Variants in ABTB3 observed in about 807,000 individuals in gnomAD.
The protein encoded by ABTB3 is ankyrin repeat and BTB domain containing 3, also known as ankyrin repeat- and BTB/POZ domain-containing protein 3.
the ABTB3 span, among the ~76,000 whole-genome samples, chr12:107,642,619 G>C: frequency 7.2e-5 from 11 of 152,160 alleles, no homozygotes; most frequent in African/African-American, 2.4e-4. Context: ...AGGAAGGATA[G>C]GGCTCAAGAA....
the ABTB3 span, among the ~76,000 whole-genome samples, chr12:107,568,711 CT>C: frequency 6.6e-6 from 1 of 152,152 alleles, no homozygotes; most frequent in African/African-American, 2.4e-5. Flanking sequence ...GCTTTTTCCC[CT>C]AGCTTCTTTA....
chr12:107,504,006 G>T, the ABTB3 span, among the ~76,000 whole-genome samples: 5 of 152,088 alleles, frequency 3.3e-5, no homozygotes, highest in African/African-American at 1.2e-4. Context: ...TTTCTCCTTG[G>T]CTGGATAGGG....
the ABTB3 span, among the ~76,000 whole-genome samples, chr12:107,401,272 G>A: frequency 6.6e-6 from 1 of 152,198 alleles, no homozygotes; most frequent in South Asian, 2.1e-4. Context: ...AAGGGGAGGT[G>A]ATTACGTAAC....
the ABTB3 span, among the ~76,000 whole-genome samples, chr12:107,352,664 G>C: frequency 6.6e-6 from 1 of 152,100 alleles, no homozygotes; most frequent in African/African-American, 2.4e-5. Context: ...CTTAAGAGCT[G>C]GTGCTATCCT....
At chr12:107,370,856 G>C in the ABTB3 span, among the ~76,000 whole-genome samples, 7 of 149,974 alleles carry the variant, frequency 4.7e-5, no homozygotes, top group African/African-American at 1.7e-4. Context: ...GAGCCTTGAA[G>C]GGCTGTCAGG....
chr12:107,526,086 T>A, the ABTB3 span, among the ~76,000 whole-genome samples: 1 of 152,142 alleles, frequency 6.6e-6, no homozygotes, highest in East Asian at 1.9e-4. Context: ...AAATGAATAA[T>A]GAATGACCTA....
the ABTB3 span, among the ~76,000 whole-genome samples, chr12:107,371,064 C>G: frequency 6.6e-6 from 1 of 152,014 alleles, no homozygotes; most frequent in South Asian, 2.1e-4. Flanking sequence ...CTGGCATAGC[C>G]CATCAGAACA....
chr12:107,453,952 G>A, the ABTB3 span, among the ~76,000 whole-genome samples: 2 of 152,196 alleles, frequency 1.3e-5, no homozygotes, highest in African/African-American at 4.8e-5. Context: ...GGGAGGATGG[G>A]GGCACTGTTT....
the ABTB3 span, among the ~76,000 whole-genome samples, chr12:107,607,154 C>T: frequency 1.8e-4 from 27 of 152,268 alleles, no homozygotes; most frequent in African/African-American, 5.8e-4. Flanking sequence ...GTCAAGACAC[C>T]CAGTTAAATT....
chr12:107,428,187 G>C, the ABTB3 span, among the ~76,000 whole-genome samples: 670 of 152,262 alleles, frequency 4.4e-3, 3 homozygotes, highest in African/African-American at 0.015. Flanking sequence ...CAGAAGAAAT[G>C]GACAAATGAA....
At chr12:107,638,428 G>C in the ABTB3 span, among the ~76,000 whole-genome samples, 9 of 152,288 alleles carry the variant, frequency 5.9e-5, no homozygotes, top group Non-Finnish European at 1.2e-4. Context: ...GAAGACAGGG[G>C]CTTGGTCCTG....
At chr12:107,649,061 G>A in the ABTB3 span, 1 of 668,458 alleles carries the variant, frequency 1.5e-6, no homozygotes, top group Non-Finnish European at 2.7e-6. Context: ...GTGAGCTCTT[G>A]GTCACTGGTG....
the ABTB3 span, among the ~76,000 whole-genome samples, chr12:107,528,144 G>A: frequency 2.0e-4 from 30 of 152,302 alleles, no homozygotes; most frequent in Admixed American, 7.2e-4. Flanking sequence ...CTTTGTCCTA[G>A]GGTGGTCACA....
At chr12:107,648,409 CA>C in the ABTB3 span, among the ~76,000 whole-genome samples, 1 of 150,876 alleles carries the variant, frequency 6.6e-6, no homozygotes, top group Admixed American at 6.6e-5. Context: ...CACACACACA[CA>C]CACAAAGACA....
the ABTB3 span, among the ~76,000 whole-genome samples, chr12:107,630,746 T>C: frequency 1.7e-4 from 26 of 152,266 alleles, no homozygotes; most frequent in Admixed American, 4.6e-4. Context: ...TTAAAATAGA[T>C]TTTATTTTTT....
chr12:107,377,574 G>T, the ABTB3 span, among the ~76,000 whole-genome samples: 4 of 152,272 alleles, frequency 2.6e-5, no homozygotes, highest in African/African-American at 9.6e-5. Context: ...TGCTGGAGGT[G>T]ACCATGTGCT....
At chr12:107,515,228 A>G in the ABTB3 span, among the ~76,000 whole-genome samples, 2 of 152,216 alleles carry the variant, frequency 1.3e-5, no homozygotes, top group Non-Finnish European at 2.9e-5. Context: ...CCAGTTGCTC[A>G]ATATGTGAAG....
chr12:107,440,777 G>A, the ABTB3 span, among the ~76,000 whole-genome samples: 1 of 152,162 alleles, frequency 6.6e-6, no homozygotes, highest in African/African-American at 2.4e-5. Context: ...AAGAGAAGAA[G>A]AAAAAGTGAA....
the ABTB3 span, among the ~76,000 whole-genome samples, chr12:107,529,331 GATA>G: frequency 6.6e-6 from 1 of 150,614 alleles, no homozygotes; most frequent in Non-Finnish European, 1.5e-5. Context: ...TGGTGATGGC[GATA>G]ATGATGGAGA....
Sources: gnomAD v4.1 joint callset for allele counts (sites outside exome capture counted in the v4.1 genomes callset) on GRCh38, gnomAD v4.1.1 for gene constraint, MANE v1.5 for transcripts, NCBI Gene and HGNC (gene_info 2026-07-23, HGNC 2026-07-21) for gene names.